Variants in RBFOX1 observed in about 807,000 individuals in gnomAD.
RBFOX1 encodes the protein RNA binding fox-1 homolog 1, also known as RNA binding protein fox-1 homolog 1.
A neutral mutation model predicts 57.7 loss-of-function variants in RBFOX1; 8 were observed. The ratio of observed to expected loss-of-function variants is 0.14; its 90% CI spans 0.08 to 0.25. The LOEUF (loss-of-function observed/expected upper bound fraction) is 0.25. Ranked by LOEUF, RBFOX1 falls within the 10% of genes least tolerant of loss-of-function variation. RBFOX1 has a pLI of 1.00. For synonymous variants in RBFOX1, 326 were observed against 222.4 expected, an observed-to-expected ratio of 1.47 and a Z score of -4.15; for missense variants, 611 against 548.5, an observed-to-expected ratio of 1.11 and a Z score of -1.14.
In RBFOX1 at chr16:7,438,128, T is replaced by C. The variant is rs532076478; in HGVS notation, c.28-80019T>C. Among the ~76,000 whole-genome samples, 6 of 152,256 alleles carry C rather than the reference T, an allele frequency of 3.9e-5. No homozygotes were observed. In the East Asian group the frequency reaches 7.7e-4, roughly 20 times the overall value. On this transcript the variant is annotated intron_variant, in intron 4 of 15. Transcript: ENST00000550418. ...TCAGCTATTAAAATACAAGTAAATC[T>C]TGGCAGGTGGGAATTTAAAAAAGAA...
At chr16:5,366,083 A>G (rs1399456622) in intron 1 of RBFOX1, 4 of 470,572 alleles carry the variant, frequency 8.5e-6, no homozygotes, top group Admixed American at 2.2e-5. Flanking sequence ...TCATACCACC[A>G]GTGCTCTTAC....
intron 1 of RBFOX1, among the ~76,000 whole-genome samples, chr16:5,435,587 G>T (rs1239658159): frequency 6.6e-6 from 1 of 152,180 alleles, no homozygotes; most frequent in African/African-American, 2.4e-5. Context: ...CTGAGACACA[G>T]GTGGGACCCA....
At chr16:7,033,669 G>A (rs1474843051) in intron 3 of RBFOX1, among the ~76,000 whole-genome samples, 1 of 152,172 alleles carries the variant, frequency 6.6e-6, no homozygotes, top group African/African-American at 2.4e-5. Flanking sequence ...AAGGGAGGCT[G>A]GGATGGGGCT....
chr16:6,498,962 A>G (rs1458081784), intron 2 of RBFOX1, among the ~76,000 whole-genome samples: 1 of 152,128 alleles, frequency 6.6e-6, no homozygotes, highest in African/African-American at 2.4e-5. Context: ...AATACACCCC[A>G]TTGGCAAAAA....
intron 1 of RBFOX1, among the ~76,000 whole-genome samples, chr16:5,279,655 C>A (rs1283925352): frequency 6.6e-6 from 1 of 152,158 alleles, no homozygotes; most frequent in Non-Finnish European, 1.5e-5. Context: ...GCACCTACCA[C>A]CATGCCTGGC....
intron 2 of RBFOX1, among the ~76,000 whole-genome samples, chr16:6,325,857 G>C (rs1473062172): frequency 1.3e-5 from 2 of 152,162 alleles, no homozygotes; most frequent in African/African-American, 4.8e-5. Context: ...TTTGAATTCA[G>C]GTGGTTATTT....
intron 10 of RBFOX1, among the ~76,000 whole-genome samples, chr16:7,619,380 C>T (rs1156438753): frequency 1.3e-5 from 2 of 152,002 alleles, no homozygotes; most frequent in Admixed American, 6.6e-5. Context: ...GCAGTGTGTG[C>T]GAGTATGTGT....
At chr16:5,424,608 C>G (rs933868948) in intron 1 of RBFOX1, among the ~76,000 whole-genome samples, 9 of 151,530 alleles carry the variant, frequency 5.9e-5, no homozygotes, top group African/African-American at 2.2e-4. Context: ...ACAGGTACAG[C>G]AAACCACCAT....
At chr16:7,221,222 A>G (rs965720428) in intron 4 of RBFOX1, among the ~76,000 whole-genome samples, 1 of 152,168 alleles carries the variant, frequency 6.6e-6, no homozygotes, top group African/African-American at 2.4e-5. Context: ...GTGTTCAAAA[A>G]TAGTTTGTAA....
chr16:6,778,375 C>G (rs961316883), intron 3 of RBFOX1, among the ~76,000 whole-genome samples: 1 of 152,150 alleles, frequency 6.6e-6, no homozygotes, highest in Non-Finnish European at 1.5e-5. Context: ...CATGTTTAAT[C>G]TATATCCCCA....
At chr16:5,256,813 A>G (rs959655842) in intron 1 of RBFOX1, among the ~76,000 whole-genome samples, 1 of 152,068 alleles carries the variant, frequency 6.6e-6, no homozygotes, top group Non-Finnish European at 1.5e-5. Flanking sequence ...ATCTGCCTGT[A>G]GTCCCAACTA....
At chr16:5,499,003 G>C (rs1433436484) in intron 2 of RBFOX1, among the ~76,000 whole-genome samples, 1 of 152,178 alleles carries the variant, frequency 6.6e-6, no homozygotes. Flanking sequence ...CCAGCCTCTA[G>C]GAATTCTGGC....
chr16:6,868,735 T>C (rs1209222993), intron 3 of RBFOX1, among the ~76,000 whole-genome samples: 3 of 152,152 alleles, frequency 2.0e-5, no homozygotes, highest in Admixed American at 1.3e-4. Flanking sequence ...CCTCTGAAAG[T>C]GCTGAGATTA....
intron 4 of RBFOX1, chr16:7,304,155 C>G (rs576080633): frequency 3.1e-5 from 29 of 932,974 alleles, no homozygotes; most frequent in East Asian, 2.7e-4. Context: ...GAGGAGGGAC[C>G]GGCGGGGTGC....
At chr16:6,700,448 A>G (rs1165980600) in intron 3 of RBFOX1, among the ~76,000 whole-genome samples, 1 of 152,112 alleles carries the variant, frequency 6.6e-6, no homozygotes, top group Non-Finnish European at 1.5e-5. Flanking sequence ...ACCTGAGGTC[A>G]GGAGTTGGAG....
rs2074589202 is a variant in RBFOX1 at position 7,510,075 on chromosome 16, C to A, written c.28-8072C>A. ...AGCAAGCTGTGATTGATGGGCCAGG[C>A]CTTCCTGGCAGAAAAAGTGCCATCT... On this transcript the variant is annotated intron_variant, in intron 4 of 15. Transcript: ENST00000550418. 3 of 906,574 alleles carry A rather than the reference C, an allele frequency of 3.3e-6. No homozygotes were observed. The South Asian group carries it at 1.5e-4, about 46-fold the overall frequency. 56.2% of individuals were successfully genotyped at this position (906,574 alleles called of 1,614,324 possible). A position where few individuals can be genotyped will look rare whatever the true frequency, so the allele number is the denominator to read the frequency against.
chr16:7,413,259 A>T (rs2098447084), intron 4 of RBFOX1, among the ~76,000 whole-genome samples: 1 of 151,996 alleles, frequency 6.6e-6, no homozygotes, highest in Non-Finnish European at 1.5e-5. Context: ...TTTGTGCCTC[A>T]ACACTGATTC....
chr16:5,530,494 T>G (rs1308637192), intron 2 of RBFOX1, among the ~76,000 whole-genome samples: 1 of 152,194 alleles, frequency 6.6e-6, no homozygotes, highest in East Asian at 1.9e-4. Flanking sequence ...CTATAAAGTC[T>G]TCAAGCTAAA....
chr16:6,942,383 C>A (rs546130533), intron 3 of RBFOX1, among the ~76,000 whole-genome samples: 1 of 152,218 alleles, frequency 6.6e-6, no homozygotes, highest in East Asian at 1.9e-4. Context: ...TGATCTCGAA[C>A]CCTTGGGTTC....
Sources: allele counts gnomAD v4.1 joint callset (sites outside exome capture counted in the v4.1 genomes callset), GRCh38; gene constraint gnomAD v4.1.1; transcripts MANE v1.5; gene names NCBI Gene and HGNC (gene_info 2026-07-23, HGNC 2026-07-21).